RBM33: variants seen among roughly 807,000 people sequenced by gnomAD.
RBM33 encodes RNA binding motif protein 33.
Under a neutral mutation model 132.6 loss-of-function variants are expected in RBM33, and 28 were observed. The ratio of observed to expected loss-of-function variants is 0.21; its 90% CI spans 0.16 to 0.29. The LOEUF is 0.29. Among genes scored for constraint, RBM33 ranks in the 10% least tolerant of loss-of-function variants. RBM33 has a pLI of 1.00. For missense variants in RBM33, 1,291 were observed against 1,518.5 expected (o/e 0.85, Z 2.49); for synonymous variants, 634 against 593.0 (o/e 1.07, Z -1.01).
chr7:155,760,677 T>A (rs1802005273), intron 14 of RBM33, among the ~76,000 whole-genome samples: 1 of 152,248 alleles, frequency 6.6e-6, no homozygotes, highest in African/African-American at 2.4e-5. Flanking sequence ...TATATATTTT[T>A]AAATTTTAAA....
intron 1 of RBM33, among the ~76,000 whole-genome samples, chr7:155,660,204 G>A (rs1016938366): frequency 3.3e-5 from 5 of 152,104 alleles, no homozygotes; most frequent in Non-Finnish European, 7.3e-5. Context: ...CTCCTGAATG[G>A]CTGAGACTAC....
intron 5 of RBM33, chr7:155,685,091 G>GTT: frequency 1.9e-6 from 3 of 1,540,644 alleles, no homozygotes; most frequent in Non-Finnish European, 2.6e-6. Flanking sequence ...AAAGTTTGCT[G>GTT]TTTCCCTCCC....
chr7:155,775,014 C>T lies in RBM33; in HGVS notation c.3486C>T (p.His1162=). Residue 1162 remains histidine, a synonymous_variant, in exon 18 of 18, where the codon CAC becomes CAT. Coordinates refer to ENST00000401878, the MANE Select transcript of RBM33 (RefSeq NM_053043.3). ...ACAGGCATATGATAGATTTGTCCCA[C>T]ATAAATGTGGCCCTGATCGTGGAGT... ...KFHRHMIDLS[H]INVALIVE 1 of 1,613,824 alleles carries T rather than the reference C, an allele frequency of 6.2e-7. No homozygotes were observed. Among genetic ancestry groups the T allele is most frequent in the Non-Finnish European group, 8.5e-7 (1 of 1,179,734 alleles).
chr7:155,720,152 T>C (rs992865716), intron 9 of RBM33, among the ~76,000 whole-genome samples: 4 of 152,228 alleles, frequency 2.6e-5, no homozygotes, highest in Non-Finnish European at 5.9e-5. Context: ...GTTTTTGAGA[T>C]GGGAAGTATG....
intron 9 of RBM33, among the ~76,000 whole-genome samples, chr7:155,725,223 TTGAA>T (rs1416562747): frequency 7.4e-6 from 1 of 135,670 alleles, no homozygotes; most frequent in Non-Finnish European, 1.5e-5. Context: ...TTTTTTTTTT[TTGAA>T]TGAGGAAGTA....
intron 14 of RBM33, among the ~76,000 whole-genome samples, chr7:155,756,651 A>T (rs1354439813): frequency 6.6e-6 from 1 of 152,098 alleles, no homozygotes; most frequent in African/African-American, 2.4e-5. Context: ...GGTAGCTGGG[A>T]TCGTGATGTT....
chr7:155,751,772 G>A (rs1318480361), intron 14 of RBM33, among the ~76,000 whole-genome samples: 1 of 147,220 alleles, frequency 6.8e-6, no homozygotes, highest in African/African-American at 2.6e-5. Flanking sequence ...TAATGTTACA[G>A]TTTTACCCTT....
chr7:155,668,118 T>G (rs1390362367), intron 2 of RBM33, among the ~76,000 whole-genome samples: 1 of 152,334 alleles, frequency 6.6e-6, no homozygotes, highest in Non-Finnish European at 1.5e-5. Flanking sequence ...TCTCTTATAT[T>G]TGTGTGTGTG....
chr7:155,685,430 A>G (rs1245522746), intron 5 of RBM33, among the ~76,000 whole-genome samples: 2 of 152,198 alleles, frequency 1.3e-5, no homozygotes, highest in African/African-American at 2.4e-5. Flanking sequence ...AGTGTTGAAG[A>G]AGTAAGGATG....
intron 16 of RBM33, among the ~76,000 whole-genome samples, chr7:155,771,704 C>T (rs1402780471): frequency 6.6e-6 from 1 of 152,114 alleles, no homozygotes; most frequent in East Asian, 1.9e-4. Flanking sequence ...AAAAGAACTG[C>T]ATGATATTTT....
chr7:155,722,122 CTTT>C (rs1362942627), intron 9 of RBM33, among the ~76,000 whole-genome samples: 1 of 152,214 alleles, frequency 6.6e-6, no homozygotes, highest in East Asian at 1.9e-4. Flanking sequence ...AACTCTGAAA[CTTT>C]TTTTCTTCTG....
At chr7:155,660,578 C>T (rs957657209) in intron 1 of RBM33, among the ~76,000 whole-genome samples, 1 of 152,154 alleles carries the variant, frequency 6.6e-6, no homozygotes, top group Admixed American at 6.5e-5. Context: ...ATCTTACTGC[C>T]TCTGGCTGCT....
intron 5 of RBM33, among the ~76,000 whole-genome samples, chr7:155,681,783 G>A (rs1026737286): frequency 1.3e-5 from 2 of 152,084 alleles, no homozygotes; most frequent in African/African-American, 4.8e-5. Flanking sequence ...TTCATTCGGA[G>A]GAAGCTTTTG....
chr7:155,651,265 A>G (rs1390133735), intron 1 of RBM33, among the ~76,000 whole-genome samples: 2 of 151,980 alleles, frequency 1.3e-5, no homozygotes, highest in Non-Finnish European at 2.9e-5. Flanking sequence ...TCACAACTTG[A>G]TTGGTGGTTT....
At chr7:155,734,248 G>A (rs1050210320) in intron 9 of RBM33, among the ~76,000 whole-genome samples, 4 of 152,240 alleles carry the variant, frequency 2.6e-5, no homozygotes, top group Non-Finnish European at 5.9e-5. Context: ...GCGTGCTTCT[G>A]TGGGTTGAGG....
At chr7:155,704,267 C>G (rs865835974) in intron 6 of RBM33, among the ~76,000 whole-genome samples, 1 of 152,118 alleles carries the variant, frequency 6.6e-6, no homozygotes, top group Non-Finnish European at 1.5e-5. Flanking sequence ...TCTTAATTGA[C>G]TAGCTTTTTT....
intron 14 of RBM33, among the ~76,000 whole-genome samples, chr7:155,761,580 A>C (rs936803446): frequency 2.0e-5 from 3 of 152,048 alleles, no homozygotes; most frequent in African/African-American, 4.8e-5. Context: ...TGTTGATGTA[A>C]AGTTGCTTGT....
In RBM33 at chr7:155,780,960, C is replaced by T. The variant is rs552745178; in HGVS notation, c.*5919C>T. On this transcript the variant is annotated 3_prime_UTR_variant, in exon 18 of 18. Transcript: ENST00000401878. ...GTGTGCGGTTCGTGCCCTTAACCAC[C>T]CGCTTCTTTGTTTCCCGCCCCTCTG... 2.6e-5 allele frequency: 4 copies of T among 152,904 alleles called. No homozygotes were observed. The South Asian group carries it at 6.2e-4, about 24-fold the overall frequency. The allele number at this position is 152,904 out of a possible 1,614,324, so 9.5% of individuals were successfully genotyped here.
intron 9 of RBM33, among the ~76,000 whole-genome samples, chr7:155,730,440 C>T (rs1800922818): frequency 6.6e-6 from 1 of 152,190 alleles, no homozygotes; most frequent in African/African-American, 2.4e-5. Flanking sequence ...ATGATAACGA[C>T]ATGTATGGTG....
Sources: allele counts gnomAD v4.1 joint callset (sites outside exome capture counted in the v4.1 genomes callset), GRCh38; gene constraint gnomAD v4.1.1; transcripts MANE v1.5; gene names NCBI Gene and HGNC (gene_info 2026-07-23, HGNC 2026-07-21).